DACH2: variants seen among roughly 807,000 people sequenced by gnomAD.
The protein encoded by DACH2 is dachshund homolog 2.
In DACH2, 17 loss-of-function variants were observed where a neutral mutation model predicts 35.8. The observed-to-expected ratio is 0.48, with a 90% confidence interval of 0.33 to 0.71. DACH2 has a LOEUF of 0.71. Ranked by LOEUF, DACH2 falls within the 30% of genes least tolerant of loss-of-function variation. The pLI is 0.02. For synonymous variants in DACH2, 195 were observed against 177.3 expected, an observed-to-expected ratio of 1.10 and a Z score of -0.79; for missense variants, 469 against 472.7, an observed-to-expected ratio of 0.99 and a Z score of 0.07.
chrX:86,618,091 C>T (rs1277926011), intron 3 of DACH2, among the ~76,000 whole-genome samples: 1 of 111,280 alleles, frequency 9.0e-6, no homozygotes, highest in Non-Finnish European at 1.9e-5. Flanking sequence ...GCCTGGGCTA[C>T]ACAGATAAAC....
chrX:86,682,812 T>G (rs1264584649), intron 4 of DACH2, among the ~76,000 whole-genome samples: 1 of 111,761 alleles, frequency 8.9e-6, no homozygotes, highest in African/African-American at 3.2e-5. Flanking sequence ...TTATTTTACT[T>G]CTACTCCATT....
intron 2 of DACH2, among the ~76,000 whole-genome samples, chrX:86,501,804 T>G (rs2038252964): frequency 8.9e-6 from 1 of 111,939 alleles, no homozygotes; most frequent in Non-Finnish European, 1.9e-5. Flanking sequence ...ATATTCAGTG[T>G]GCTTGTCTCC....
intron 1 of DACH2, among the ~76,000 whole-genome samples, chrX:86,361,189 G>A (rs751314947): frequency 2.7e-5 from 3 of 111,171 alleles, no homozygotes; most frequent in Admixed American, 9.6e-5. Flanking sequence ...TTACTATTTT[G>A]TGTGTAGACC....
intron 1 of DACH2, among the ~76,000 whole-genome samples, chrX:86,332,360 C>G (rs1417231198): frequency 1.8e-5 from 2 of 111,163 alleles, no homozygotes; most frequent in African/African-American, 6.5e-5. Flanking sequence ...CTCCGACTAC[C>G]AGGTATTGGT....
At chrX:86,212,433 CCTAACAAGCA>C (rs1277125191) in intron 1 of DACH2, among the ~76,000 whole-genome samples, 1 of 111,052 alleles carries the variant, frequency 9.0e-6, no homozygotes, top group Admixed American at 9.6e-5. Flanking sequence ...GAATTTATGA[CCTAACAAGCA>C]CTTTAAATTG....
chrX:86,291,490 C>A (rs1435325739), intron 1 of DACH2, among the ~76,000 whole-genome samples: 1 of 104,654 alleles, frequency 9.6e-6, no homozygotes, highest in African/African-American at 3.6e-5. Flanking sequence ...AGAGGGCATC[C>A]CTGTCTTGTG....
chrX:86,824,988 C>A (rs1206399990), intron 11 of DACH2, among the ~76,000 whole-genome samples: 1 of 112,029 alleles, frequency 8.9e-6, no homozygotes, highest in African/African-American at 3.2e-5. Context: ...TTATAGTGTT[C>A]TTCTATCAGT....
At chrX:86,464,987 A>G (rs1361646376) in intron 2 of DACH2, among the ~76,000 whole-genome samples, 1 of 112,512 alleles carries the variant, frequency 8.9e-6, no homozygotes, top group African/African-American at 3.2e-5. Flanking sequence ...GTAATAAAGT[A>G]TATGAGTGAC....
intron 3 of DACH2, among the ~76,000 whole-genome samples, chrX:86,561,755 T>C (rs1380916116): frequency 6.1e-4 from 26 of 42,281 alleles, no homozygotes; most frequent in African/African-American, 2.5e-3. Context: ...TGTGGTGGGG[T>C]CGGGGGAGGG....
At chrX:86,439,364 G>C (rs942324004) in intron 2 of DACH2, among the ~76,000 whole-genome samples, 1 of 111,994 alleles carries the variant, frequency 8.9e-6, no homozygotes, top group Non-Finnish European at 1.9e-5. Context: ...TCTCCATTGT[G>C]TTGGTTATTT....
At chrX:86,661,894 T>A (rs1414274395) in intron 4 of DACH2, among the ~76,000 whole-genome samples, 1 of 112,155 alleles carries the variant, frequency 8.9e-6, no homozygotes, top group Non-Finnish European at 1.9e-5. Flanking sequence ...TTTCTTGATA[T>A]TCCAACATTG....
intron 1 of DACH2, among the ~76,000 whole-genome samples, chrX:86,196,881 C>A (rs2032005394): frequency 9.1e-6 from 1 of 109,721 alleles, no homozygotes; most frequent in Non-Finnish European, 1.9e-5. Context: ...GCTAGAGAGA[C>A]AGACATTCAA....
chrX:86,662,998 T>A (rs1040515650), intron 4 of DACH2, among the ~76,000 whole-genome samples: 5 of 111,582 alleles, frequency 4.5e-5, no homozygotes, highest in Non-Finnish European at 7.5e-5. Context: ...TTATCAAAAA[T>A]TGTACTATAA....
intron 1 of DACH2, among the ~76,000 whole-genome samples, chrX:86,206,171 C>T (rs1260904236): frequency 9.0e-6 from 1 of 111,154 alleles, no homozygotes; most frequent in East Asian, 2.8e-4. Flanking sequence ...TGATGAACTA[C>T]ACTCATGTTA....
At chrX:86,743,738 T>C (rs1213915242) in intron 7 of DACH2, among the ~76,000 whole-genome samples, 1 of 111,339 alleles carries the variant, frequency 9.0e-6, no homozygotes, top group Non-Finnish European at 1.9e-5. Flanking sequence ...AGCCTGACAG[T>C]GAAAGGCTAT....
intron 1 of DACH2, among the ~76,000 whole-genome samples, chrX:86,332,713 A>T (rs1346377589): frequency 8.9e-6 from 1 of 111,838 alleles, no homozygotes; most frequent in Non-Finnish European, 1.9e-5. Flanking sequence ...ATACTTTTTT[A>T]AAAAGACAGA....
intron 5 of DACH2, 64 bp downstream of exon 5, chrX:86,695,243 A>C: frequency 2.3e-6 from 2 of 878,570 alleles, no homozygotes; most frequent in Non-Finnish European, 2.9e-6. Context: ...ACCTACTAGA[A>C]ACCTTTGGCT....
chrX:86,756,859 G>A (rs1192073903), intron 7 of DACH2, among the ~76,000 whole-genome samples: 1 of 111,560 alleles, frequency 9.0e-6, no homozygotes, highest in Non-Finnish European at 1.9e-5. Context: ...TATGATGTTA[G>A]TTGTGGGTTT....
intron 4 of DACH2, among the ~76,000 whole-genome samples, chrX:86,674,183 T>C (rs999015498): frequency 8.9e-6 from 1 of 112,213 alleles, no homozygotes; most frequent in African/African-American, 3.2e-5. Context: ...AGTGTCAAAA[T>C]TTATTATTGG....
Sources: allele counts gnomAD v4.1 joint callset (sites outside exome capture counted in the v4.1 genomes callset), GRCh38; gene constraint gnomAD v4.1.1; transcripts MANE v1.5; gene names NCBI Gene and HGNC (gene_info 2026-07-23, HGNC 2026-07-21).